The following TSPEAR variants were observed in gnomAD, a reference collection of about 807,000 sequenced individuals.
The protein encoded by TSPEAR is thrombospondin type laminin G domain and EAR repeats.
Under a neutral mutation model 71.6 loss-of-function variants are expected in TSPEAR, and 69 were observed. The ratio of observed to expected loss-of-function variants is 0.96; its 90% CI spans 0.79 to 1.18. TSPEAR has a LOEUF of 1.18. Ranked by LOEUF, TSPEAR falls within the 50% of genes most tolerant of loss-of-function variation. The probability of loss-of-function intolerance (pLI) is 0.00; values close to 1 mark genes in which losing one functional copy is unlikely to be tolerated. For missense variants in TSPEAR, 971 were observed against 894.9 expected (o/e 1.09, Z -1.09); for synonymous variants, 402 against 387.2 (o/e 1.04, Z -0.45).
At chr21:44,585,002 T>C (rs1348983709) in intron 1 of TSPEAR, among the ~76,000 whole-genome samples, 1 of 152,276 alleles carries the variant, frequency 6.6e-6, no homozygotes, top group Non-Finnish European at 1.5e-5. Flanking sequence ...TTTTTCAATC[T>C]TTAATGTCTG....
At chr21:44,613,038 G>A in intron 1 of TSPEAR, 1 of 1,117,252 alleles carries the variant, frequency 9.0e-7, no homozygotes, top group Non-Finnish European at 1.3e-6. Flanking sequence ...ACTCCCAGGA[G>A]CCTCCATCCT....
chr21:44,522,831 C>T (rs1475632309), intron 8 of TSPEAR, among the ~76,000 whole-genome samples: 4 of 152,260 alleles, frequency 2.6e-5, no homozygotes, highest in African/African-American at 9.6e-5. Context: ...CACCACACAC[C>T]TGGCCATGCC....
chr21:44,505,031 T>C lies in TSPEAR; in HGVS notation c.1755-150A>G, dbSNP rs1159585828. Reference sequence around the variant, plus strand: ...TCACAGTCACATATGTGTTGGTCTATTCCAGGAAAATGTAAATTAGTTGTT... The same window carrying C: ...TCACAGTCACATATGTGTTGGTCTACTCCAGGAAAATGTAAATTAGTTGTT... On this transcript the variant is annotated intron_variant, in intron 10 of 11. Transcript: ENST00000323084. 7.6e-5 allele frequency: 45 copies of C among 594,806 alleles called. No homozygotes were observed. The East Asian group carries it at 1.2e-3, about 16-fold the overall frequency. 36.8% of individuals were successfully genotyped at this position (594,806 alleles called of 1,614,324 possible). A position where few individuals can be genotyped will look rare whatever the true frequency, so the allele number is the denominator to read the frequency against.
intron 2 of TSPEAR, among the ~76,000 whole-genome samples, chr21:44,563,607 C>T (rs587595741): frequency 2.0e-4 from 31 of 152,044 alleles, no homozygotes; most frequent in African/African-American, 6.5e-4. Flanking sequence ...CCCATAAACC[C>T]ACAGAACCAT....
chr21:44,612,276 G>A lies in TSPEAR; in HGVS notation c.83-44271C>T. 2 of 1,613,546 alleles carry A rather than the reference G, an allele frequency of 1.2e-6. No homozygotes were observed. Among genetic ancestry groups the A allele is most frequent in the Admixed American group, 1.7e-5 (1 of 60,024 alleles). The stretch of plus-strand genomic sequence containing the variant: ...TGCGAGCCCCGCTCCTGTGCCTCCA[G>A]CTGCTGTACCCCTAGCTGCTGTGCC... On this transcript the variant is annotated intron_variant, in intron 1 of 11. Transcript: ENST00000323084. The surrounding 1 kb of genome is among the most constrained non-coding windows in gnomAD (Gnocchi z 4.1).
chr21:44,620,501 G>A (rs143509478), intron 1 of TSPEAR, among the ~76,000 whole-genome samples: 128 of 152,198 alleles, frequency 8.4e-4, no homozygotes, highest in African/African-American at 2.5e-3. Context: ...TTTTATTAAC[G>A]TAAGGTCAGT....
At chr21:44,622,971 C>T (rs1174013104) in intron 1 of TSPEAR, among the ~76,000 whole-genome samples, 2 of 152,054 alleles carry the variant, frequency 1.3e-5, no homozygotes, top group Non-Finnish European at 2.9e-5. Flanking sequence ...CCTCCCATCC[C>T]CCACTCTCTT....
chr21:44,502,214 C>T (rs147805571), intron 11 of TSPEAR, among the ~76,000 whole-genome samples: 7 of 152,332 alleles, frequency 4.6e-5, no homozygotes, highest in South Asian at 4.1e-4. Flanking sequence ...GCCCATCAAA[C>T]GGCCATGCTC....
chr21:44,528,951 C>T (rs1374829250), intron 5 of TSPEAR, among the ~76,000 whole-genome samples: 6 of 152,222 alleles, frequency 3.9e-5, no homozygotes, highest in East Asian at 1.9e-4. Context: ...TGTATCTTAA[C>T]GACGGCTTGG....
At position 44,675,796 on chromosome 21, in the gene TSPEAR, C is replaced by T. The variant is rs587631493; in HGVS notation, c.82+35637G>A. The T allele has an allele frequency of 5.8e-4, 319 of 554,466 alleles. 1 individual carries two copies. Among genetic ancestry groups the T allele is most frequent in the African/African-American group, 4.9e-3 (257 of 52,672 alleles). The allele number at this position is 554,466 out of a possible 1,614,324, so 34.3% of individuals were successfully genotyped here. On this transcript the variant is annotated intron_variant, in intron 1 of 11. Coordinates refer to ENST00000323084, the MANE Select transcript of TSPEAR (RefSeq NM_144991.3). ...TGTCTAGACAATTCTGGGACCCTTG[C>T]GGCAAACCCTTCATGTATCACTGCT...
rs956145348 is a variant in TSPEAR, at chr21:44,620,209, C to T, written c.83-52204G>A. ...GGGGAGCACCCAACAACCAAAAAGACGTCTTCATCTGGCAAAGTGATCCTT... is the reference window on the plus strand; with the variant it reads ...GGGGAGCACCCAACAACCAAAAAGATGTCTTCATCTGGCAAAGTGATCCTT... On this transcript the variant is annotated intron_variant, in intron 1 of 11. Transcript: ENST00000323084. 2.2e-4 allele frequency among the ~76,000 whole-genome samples: 33 copies of T among 152,184 alleles called. 1 individual carries two copies. The highest frequency in any genetic ancestry group is 2.6e-4 in the Admixed American group (4 of 15,274).
Position 44,525,647 on chromosome 21 carries a change from C to G in TSPEAR, c.1336+6G>C. On this transcript the variant is annotated splice_donor_region_variant and intron_variant, in intron 8 of 11. Coordinates refer to ENST00000323084, the MANE Select transcript of TSPEAR (RefSeq NM_144991.3). Reference sequence around the variant, plus strand: ...CCTCCCGGTGTGAAGGCCACTCCTGCCCTACCTTCCCGGTGGTTGGCCACC... The same window carrying G: ...CCTCCCGGTGTGAAGGCCACTCCTGGCCTACCTTCCCGGTGGTTGGCCACC... 6.2e-7 allele frequency: 1 copy of G among 1,613,708 alleles called. No homozygotes were observed. The highest frequency in any genetic ancestry group is 2.2e-5 in the East Asian group (1 of 44,888).
intron 1 of TSPEAR, chr21:44,658,342 T>C (rs1226512750): frequency 2.8e-6 from 4 of 1,445,830 alleles, no homozygotes; most frequent in South Asian, 1.2e-5. Flanking sequence ...GACCCCCAGA[T>C]TGCACACATA....
At chr21:44,500,062 C>A (rs782203761) in intron 11 of TSPEAR, 126 bp from the exon 12 acceptor site, 6 of 968,658 alleles carry the variant, frequency 6.2e-6, no homozygotes, top group African/African-American at 5.2e-5. Context: ...TTCCATCCCC[C>A]CGACTGGCAC....
chr21:44,614,543 G>A (rs587756500), intron 1 of TSPEAR, among the ~76,000 whole-genome samples: 10 of 152,344 alleles, frequency 6.6e-5, no homozygotes, highest in African/African-American at 2.2e-4. Context: ...TTCCAGGCTC[G>A]GTTCCTGGCA....
In TSPEAR at chr21:44,593,721, C is replaced by T. The variant is rs1414879862; in HGVS notation, c.83-25716G>A. Among the ~76,000 whole-genome samples, 3 of 152,196 alleles carry T rather than the reference C, an allele frequency of 2.0e-5. No homozygotes were observed. Among genetic ancestry groups the T allele is most frequent in the Admixed American group, 6.5e-5 (1 of 15,278 alleles). ...AAATTACAAACAGGACCTCAGGCCG[C>T]GCCAGGCAAGGGACAAGCCGCGTGC... is the stretch of plus-strand genomic sequence containing the variant. On this transcript the variant is annotated intron_variant, in intron 1 of 11. Coordinates refer to ENST00000323084, the MANE Select transcript of TSPEAR (RefSeq NM_144991.3). This position sits in a 1 kb window ranked among gnomAD's most constrained non-coding sequence, Gnocchi z 5.9.
intron 2 of TSPEAR, among the ~76,000 whole-genome samples, chr21:44,537,240 G>A (rs1555916455): frequency 6.6e-6 from 1 of 150,492 alleles, no homozygotes; most frequent in East Asian, 1.9e-4. Flanking sequence ...TTCCTTAGGA[G>A]CTGTTAGTTT....
chr21:44,548,552 G>A (rs770188252), intron 2 of TSPEAR, among the ~76,000 whole-genome samples: 24 of 151,020 alleles, frequency 1.6e-4, no homozygotes, highest in Non-Finnish European at 4.5e-5. Context: ...GGGAGAACAC[G>A]TGAACACGTG....
At chr21:44,617,751 G>A (rs1229288978) in intron 1 of TSPEAR, among the ~76,000 whole-genome samples, 3 of 152,248 alleles carry the variant, frequency 2.0e-5, no homozygotes, top group Admixed American at 6.5e-5. Flanking sequence ...GTTCCAAAGC[G>A]TGAACACGCT....
Sources: allele counts gnomAD v4.1 joint callset (sites outside exome capture counted in the v4.1 genomes callset), GRCh38; gene constraint gnomAD v4.1.1; non-coding constraint Gnocchi (gnomAD v3.1); transcripts MANE v1.5; gene names NCBI Gene and HGNC (gene_info 2026-07-23, HGNC 2026-07-21).